CADM2: variants seen among roughly 807,000 people sequenced by gnomAD.
CADM2 encodes the protein cell adhesion molecule 2.
A neutral mutation model predicts 49.8 loss-of-function variants in CADM2; 12 were observed. The observed-to-expected ratio is 0.24, with a 90% CI of 0.15 to 0.39. The LOEUF (loss-of-function observed/expected upper bound fraction) is 0.39. Ranked by LOEUF, CADM2 falls within the 10% of genes least tolerant of loss-of-function variation. CADM2 has a pLI of 1.00. For synonymous variants in CADM2, 214 were observed against 175.4 expected (o/e 1.22, Z -1.74); for missense variants, 378 against 492.3 (o/e 0.77, Z 2.20).
intron 1 of CADM2, among the ~76,000 whole-genome samples, chr3:85,568,762 C>A (rs1212786387): frequency 8.2e-6 from 1 of 122,338 alleles, no homozygotes; most frequent in Admixed American, 9.1e-5. Flanking sequence ...GCCACCACAC[C>A]AAACTAATTT....
At chr3:85,175,323 C>T (rs1559703582) in intron 1 of CADM2, among the ~76,000 whole-genome samples, 2 of 152,244 alleles carry the variant, frequency 1.3e-5, no homozygotes, top group Admixed American at 6.5e-5. Context: ...TTTATATGCT[C>T]ATTATTCCCA....
At chr3:85,474,961 A>G (rs9831848) in intron 1 of CADM2, among the ~76,000 whole-genome samples, 132,604 of 151,836 alleles carry the variant, frequency 0.87, 58,064 homozygotes, top group East Asian at 0.95. Context: ...TTTTATAGAC[A>G]TTGCTCTGAG....
At chr3:85,879,525 G>A (rs1712418504) in intron 3 of CADM2, among the ~76,000 whole-genome samples, 1 of 152,096 alleles carries the variant, frequency 6.6e-6, no homozygotes, top group Non-Finnish European at 1.5e-5. Context: ...CTCTCACAAA[G>A]CACATAGGGA....
intron 1 of CADM2, among the ~76,000 whole-genome samples, chr3:85,498,744 C>T (rs887278090): frequency 9.2e-5 from 14 of 151,960 alleles, no homozygotes; most frequent in Admixed American, 6.6e-4. Context: ...AGAGAAATAC[C>T]GTGACCCGAG....
intron 8 of CADM2, among the ~76,000 whole-genome samples, chr3:85,976,209 C>T (rs1175304762): frequency 1.3e-5 from 2 of 151,402 alleles, no homozygotes; most frequent in Non-Finnish European, 3.0e-5. Flanking sequence ...CAGTTTCCAC[C>T]CTGTACCATA....
intron 8 of CADM2, among the ~76,000 whole-genome samples, chr3:86,015,569 T>C (rs114866678): frequency 0.027 from 4,176 of 152,294 alleles, 183 homozygotes; most frequent in African/African-American, 0.095. Flanking sequence ...AAATCTCTCC[T>C]GGACAGTTAC....
At chr3:85,822,323 C>T (rs1263841381) in intron 3 of CADM2, among the ~76,000 whole-genome samples, 1 of 152,116 alleles carries the variant, frequency 6.6e-6, no homozygotes, top group East Asian at 1.9e-4. Flanking sequence ...GTGGCTCATG[C>T]CTGTAAACCC....
chr3:85,976,116 A>T lies in CADM2; in HGVS notation c.970+14469A>T, dbSNP rs185115843. 2.2e-3 allele frequency among the ~76,000 whole-genome samples: 329 copies of T among 151,722 alleles called. 1 individual carries two copies. Among genetic ancestry groups the T allele is most frequent in the African/African-American group, 7.6e-3 (316 of 41,486 alleles). On this transcript the variant is annotated intron_variant, in intron 8 of 9. Transcript: ENST00000383699. ...TTATGATGTATGTGTGCATGTATAT[A>T]ATTTCTCTGCGTATGAATTAGTATT...
At chr3:85,225,815 T>C (rs1460647774) in intron 1 of CADM2, among the ~76,000 whole-genome samples, 2 of 152,256 alleles carry the variant, frequency 1.3e-5, no homozygotes, top group African/African-American at 4.8e-5. Context: ...CATGAAGGGC[T>C]GATAAATTTT....
intron 1 of CADM2, among the ~76,000 whole-genome samples, chr3:85,720,727 G>A (rs1381363679): frequency 6.6e-6 from 1 of 152,110 alleles, no homozygotes; most frequent in Admixed American, 6.5e-5. Context: ...TAAGTTTCAT[G>A]TGATTAGTGA....
rs138446912 is a variant in CADM2 at position 85,199,596 on chromosome 3, C to A, written c.61+239928C>A. 2.6e-5 allele frequency among the ~76,000 whole-genome samples: 4 copies of A among 151,744 alleles called. No individual in the cohort carries two copies. The East Asian group carries it at 7.7e-4, about 29-fold the overall frequency. ...GTTGATGGCAAATGTTTCTTGAATGCAGGCAAATTGAATTTATAAATCTCT... is the reference window on the plus strand; with the variant it reads ...GTTGATGGCAAATGTTTCTTGAATGAAGGCAAATTGAATTTATAAATCTCT... On this transcript the variant is annotated intron_variant, in intron 1 of 9. Coordinates refer to ENST00000383699, the MANE Select transcript of CADM2 (RefSeq NM_001167675.2).
At chr3:85,737,301 T>G (rs1434816717) in intron 2 of CADM2, among the ~76,000 whole-genome samples, 1 of 152,150 alleles carries the variant, frequency 6.6e-6, no homozygotes, top group African/African-American at 2.4e-5. Flanking sequence ...TTCATACATA[T>G]AAACAATTTA....
chr3:85,272,683 G>A (rs761123845), intron 1 of CADM2, among the ~76,000 whole-genome samples: 7 of 151,216 alleles, frequency 4.6e-5, no homozygotes, highest in Non-Finnish European at 8.9e-5. Flanking sequence ...TACTTTCTAC[G>A]TTTATGTTTA....
At chr3:85,917,817 ATTTG>A (rs1718566642) in intron 6 of CADM2, among the ~76,000 whole-genome samples, 1 of 152,138 alleles carries the variant, frequency 6.6e-6, no homozygotes, top group African/African-American at 2.4e-5. Flanking sequence ...GTGTTCTTCC[ATTTG>A]TTTGTGTCCT....
intron 1 of CADM2, among the ~76,000 whole-genome samples, chr3:85,491,947 C>A (rs9828464): frequency 1.3e-3 from 170 of 134,550 alleles, no homozygotes; most frequent in Admixed American, 1.6e-3. Context: ...GAGACTGTCT[C>A]AAAAAAAAAA....
At chr3:85,864,119 T>A (rs1218518108) in intron 3 of CADM2, among the ~76,000 whole-genome samples, 1 of 152,172 alleles carries the variant, frequency 6.6e-6, no homozygotes, top group Non-Finnish European at 1.5e-5. Flanking sequence ...AAACCACCAG[T>A]TCCTTTTTCT....
At chr3:85,747,207 A>G (rs1029596772) in intron 2 of CADM2, among the ~76,000 whole-genome samples, 3 of 152,112 alleles carry the variant, frequency 2.0e-5, no homozygotes, top group Non-Finnish European at 4.4e-5. Flanking sequence ...TTGGAGAATT[A>G]TGTATCCTGT....
intron 1 of CADM2, among the ~76,000 whole-genome samples, chr3:85,508,110 G>A (rs906889899): frequency 3.3e-5 from 5 of 152,146 alleles, no homozygotes; most frequent in African/African-American, 1.2e-4. Context: ...AAAGTACAAA[G>A]AGGTGAAATC....
chr3:85,910,253 ATTGT>A (rs1460016589), intron 5 of CADM2, among the ~76,000 whole-genome samples: 1 of 152,146 alleles, frequency 6.6e-6, no homozygotes, highest in Non-Finnish European at 1.5e-5. Flanking sequence ...AATTATAAAA[ATTGT>A]TTGTCAAGAG....
Sources: allele counts gnomAD v4.1 joint callset (sites outside exome capture counted in the v4.1 genomes callset), GRCh38; gene constraint gnomAD v4.1.1; transcripts MANE v1.5; gene names NCBI Gene and HGNC (gene_info 2026-07-23, HGNC 2026-07-21).